Variants in CNTNAP5 observed in about 807,000 individuals in gnomAD.
The protein encoded by CNTNAP5 is contactin associated protein family member 5.
In CNTNAP5, 72 loss-of-function variants were observed where a neutral mutation model predicts 150.2. The ratio of observed to expected loss-of-function variants is 0.48; its 90% CI spans 0.40 to 0.58. The LOEUF is 0.58. Among genes scored for constraint, CNTNAP5 ranks in the 20% least tolerant of loss-of-function variants. CNTNAP5 has a pLI of 0.00. For synonymous variants in CNTNAP5, 672 were observed against 619.8 expected, an observed-to-expected ratio of 1.08 and a Z score of -1.25; for missense variants, 1,636 against 1,626.2, an observed-to-expected ratio of 1.01 and a Z score of -0.10.
chr2:124,473,965 T>C (rs1693580057), intron 6 of CNTNAP5, among the ~76,000 whole-genome samples: 1 of 152,072 alleles, frequency 6.6e-6, no homozygotes, highest in South Asian at 2.1e-4. Context: ...GCAAATGTAA[T>C]TGCGGTTTTT....
intron 1 of CNTNAP5, among the ~76,000 whole-genome samples, chr2:124,038,761 T>C (rs1681288968): frequency 6.6e-6 from 1 of 152,182 alleles, no homozygotes; most frequent in Non-Finnish European, 1.5e-5. Context: ...GTAGGTACCG[T>C]GTGAAGACTT....
intron 21 of CNTNAP5, among the ~76,000 whole-genome samples, chr2:124,895,834 T>C (rs2104752813): frequency 6.6e-6 from 1 of 151,538 alleles, no homozygotes; most frequent in East Asian, 1.9e-4. Context: ...GGGGTGCTCC[T>C]TAGGAAGGTG....
chr2:124,528,523 T>C (rs187130675), intron 10 of CNTNAP5, among the ~76,000 whole-genome samples: 2 of 152,318 alleles, frequency 1.3e-5, no homozygotes, highest in Admixed American at 1.3e-4. Context: ...TTTGAAGGCA[T>C]TTGAAATCTC....
chr2:124,278,134 T>C (rs1687928220), intron 3 of CNTNAP5, among the ~76,000 whole-genome samples: 1 of 152,140 alleles, frequency 6.6e-6, no homozygotes, highest in African/African-American at 2.4e-5. Context: ...TCTTAAGTTA[T>C]ATGGGATAAT....
Position 124,388,244 on chromosome 2 carries a change from T to C in CNTNAP5, c.382-29199T>C, listed in dbSNP as rs114815367. Among the ~76,000 whole-genome samples, 516 of 152,296 alleles carry C rather than the reference T, an allele frequency of 3.4e-3. 3 individuals are homozygous for C. Among genetic ancestry groups the C allele is most frequent in the African/African-American group, 0.011 (477 of 41,576 alleles). On this transcript the variant is annotated intron_variant, in intron 3 of 23. Coordinates refer to ENST00000682447, the MANE Select transcript of CNTNAP5 (RefSeq NM_001367498.1). Reference sequence around the variant, plus strand: ...GAGGCTTAGGCATGAGCCAAGGTGCTGTCAGATGGTGGCTAGGCCAGCTGA... The same window carrying C: ...GAGGCTTAGGCATGAGCCAAGGTGCCGTCAGATGGTGGCTAGGCCAGCTGA...
intron 1 of CNTNAP5, among the ~76,000 whole-genome samples, chr2:124,200,237 T>C (rs1203351690): frequency 2.6e-5 from 4 of 152,236 alleles, no homozygotes; most frequent in Non-Finnish European, 5.9e-5. Flanking sequence ...TAGCTTTCAA[T>C]TTGGTAAATA....
chr2:124,458,293 TTATATA>T (rs56360238), intron 6 of CNTNAP5, among the ~76,000 whole-genome samples: 97,631 of 139,812 alleles, frequency 0.7, 34,128 homozygotes, highest in Middle Eastern at 0.84. Flanking sequence ...ATGTAATATT[TTATATA>T]TATATATATA....
chr2:124,058,694 G>T (rs760393580), intron 1 of CNTNAP5, among the ~76,000 whole-genome samples: 2 of 152,044 alleles, frequency 1.3e-5, no homozygotes, highest in Non-Finnish European at 2.9e-5. Flanking sequence ...GCACATATTA[G>T]GTGCTCAAAT....
chr2:124,347,984 C>A (rs1186170400), intron 3 of CNTNAP5, among the ~76,000 whole-genome samples: 1 of 151,984 alleles, frequency 6.6e-6, no homozygotes, highest in Non-Finnish European at 1.5e-5. Context: ...CCTGCCACCA[C>A]GCCCGGCTAA....
At chr2:124,255,480 C>T (rs532339955) in intron 3 of CNTNAP5, among the ~76,000 whole-genome samples, 123 of 151,158 alleles carry the variant, frequency 8.1e-4, no homozygotes, top group Admixed American at 1.1e-3. Context: ...GCCGAGATCA[C>T]GCCACGGCAC....
chr2:124,419,323 C>T lies in CNTNAP5; in HGVS notation c.529+1733C>T, dbSNP rs75583617. 4.7e-3 allele frequency among the ~76,000 whole-genome samples: 709 copies of T among 152,078 alleles called. 2 individuals are homozygous for T. Among genetic ancestry groups the T allele is most frequent in the African/African-American group, 0.016 (677 of 41,490 alleles). ...TTATTTTTCATGCCAATTGTTCACCCACAGTGTCTACTTGCACAGAAAGAG... is the reference window on the plus strand; with the variant it reads ...TTATTTTTCATGCCAATTGTTCACCTACAGTGTCTACTTGCACAGAAAGAG... On this transcript the variant is annotated intron_variant, in intron 4 of 23. Transcript: ENST00000682447.
intron 1 of CNTNAP5, among the ~76,000 whole-genome samples, chr2:124,138,452 C>T (rs557004686): frequency 1.3e-5 from 2 of 152,160 alleles, no homozygotes; most frequent in Non-Finnish European, 2.9e-5. Context: ...GATTTCATGC[C>T]TCATTACAAA....
intron 13 of CNTNAP5, 46 bp from the exon 14 acceptor site, chr2:124,747,183 C>T: frequency 6.3e-7 from 1 of 1,584,510 alleles, no homozygotes; most frequent in African/African-American, 1.3e-5. Flanking sequence ...CCCTGTGTTA[C>T]TTCAGGCTTG....
chr2:124,527,429 A>C lies in CNTNAP5; in HGVS notation c.1622A>C (p.His541Pro). 6.2e-7 allele frequency: 1 copy of C among 1,613,684 alleles called. No homozygotes were observed. Among genetic ancestry groups the C allele is most frequent in the South Asian group, 1.1e-5 (1 of 91,072 alleles). Residue 541 changes from histidine to proline, a missense_variant, in exon 10 of 24, where the codon CAC becomes CCC. Physicochemically the swap from His to Pro is moderately conservative, Grantham distance 77. Transcript: ENST00000682447. ...TCCCTGGGGAATTTTAGTGATTTAC[A>C]CATTGATCTGTGTAGCATCAAAGAC... Reference protein sequence around the residue: ...QGSLGNFSDLHIDLCSIKDRC... With the variant: ...QGSLGNFSDLPIDLCSIKDRC...
intron 17 of CNTNAP5, among the ~76,000 whole-genome samples, chr2:124,785,603 A>G (rs928089450): frequency 9.2e-5 from 14 of 152,180 alleles, no homozygotes; most frequent in African/African-American, 2.4e-4. Context: ...CAAAGTCTAG[A>G]TAGGCCATGT....
At chr2:124,543,274 A>C (rs1021326151) in intron 10 of CNTNAP5, among the ~76,000 whole-genome samples, 1 of 151,732 alleles carries the variant, frequency 6.6e-6, no homozygotes, top group African/African-American at 2.4e-5. Context: ...GGAAGGAAGC[A>C]TAGGAGCACA....
intron 8 of CNTNAP5, among the ~76,000 whole-genome samples, chr2:124,519,434 T>C (rs1381817234): frequency 6.6e-6 from 1 of 152,208 alleles, no homozygotes; most frequent in Admixed American, 6.5e-5. Context: ...CAGAGCTTTT[T>C]GGTCATCAAA....
chr2:124,276,894 G>T (rs1687895891), intron 3 of CNTNAP5, among the ~76,000 whole-genome samples: 1 of 152,116 alleles, frequency 6.6e-6, no homozygotes, highest in Non-Finnish European at 1.5e-5. Context: ...ATTTTGGCAG[G>T]ATTAAGAGAG....
intron 6 of CNTNAP5, among the ~76,000 whole-genome samples, chr2:124,451,029 T>TAAAAAAAAAAAAAA (rs1156744323): frequency 5.0e-5 from 1 of 20,056 alleles, no homozygotes; most frequent in East Asian, 4.0e-3. Context: ...CCATGTCTCT[T>TAAAAAAAAAAAAAA]AAAAAAAAAA....
Sources: gnomAD v4.1 joint callset for allele counts (sites outside exome capture counted in the v4.1 genomes callset) on GRCh38, gnomAD v4.1.1 for gene constraint, MANE v1.5 for transcripts, NCBI Gene and HGNC (gene_info 2026-07-23, HGNC 2026-07-21) for gene names.